The following ESCO1 variants were observed in gnomAD, a reference collection of about 807,000 sequenced individuals.
The protein encoded by ESCO1 is N-acetyltransferase ESCO1.
In ESCO1, 33 loss-of-function variants were observed where a neutral mutation model predicts 83.5. The ratio of observed to expected loss-of-function variants is 0.40; its 90% CI spans 0.30 to 0.53. The LOEUF is 0.53. ESCO1 is among the 20% of genes least tolerant of loss of function. The probability of loss-of-function intolerance (pLI) is 0.63; values close to 1 mark genes in which losing one functional copy is unlikely to be tolerated. For missense variants in ESCO1, 855 were observed against 968.0 expected, an observed-to-expected ratio of 0.88 and a Z score of 1.55; for synonymous variants, 332 against 324.3, an observed-to-expected ratio of 1.02 and a Z score of -0.25.
chr18:21,576,534 A>C (rs1348380639), intron 2 of ESCO1, among the ~76,000 whole-genome samples: 2 of 152,190 alleles, frequency 1.3e-5, no homozygotes, highest in African/African-American at 4.8e-5. Context: ...AAACCAAGAC[A>C]ATGCCATAAA....
intron 8 of ESCO1, among the ~76,000 whole-genome samples, chr18:21,550,002 C>T (rs1459189474): frequency 6.6e-6 from 1 of 151,830 alleles, no homozygotes; most frequent in Non-Finnish European, 1.5e-5. Context: ...ATCACTGTAC[C>T]TACTGTAGTA....
At chr18:21,596,011 G>T (rs11662735) in intron 1 of ESCO1, among the ~76,000 whole-genome samples, 21,867 of 151,404 alleles carry the variant, frequency 0.14, 1,847 homozygotes, top group Middle Eastern at 0.27. Context: ...TAAATAAAAA[G>T]AATAATACTT....
intron 1 of ESCO1, among the ~76,000 whole-genome samples, chr18:21,586,014 C>A (rs1314020857): frequency 3.9e-5 from 6 of 152,176 alleles, no homozygotes; most frequent in Non-Finnish European, 8.8e-5. Context: ...TAATTCATCA[C>A]CTCAAACACT....
intron 8 of ESCO1, among the ~76,000 whole-genome samples, chr18:21,551,286 C>G (rs753082201): frequency 1.3e-5 from 2 of 151,848 alleles, no homozygotes; most frequent in Admixed American, 6.6e-5. Flanking sequence ...CTGGCTAACA[C>G]AGAGAAACCC....
chr18:21,557,014 C>CGAAG (rs1318222531), intron 8 of ESCO1, among the ~76,000 whole-genome samples: 2 of 152,072 alleles, frequency 1.3e-5, no homozygotes, highest in Non-Finnish European at 2.9e-5. Flanking sequence ...ACTCTTTCTT[C>CGAAG]AAAGTTTCTC....
At chr18:21,589,109 C>T (rs1024221740) in intron 1 of ESCO1, among the ~76,000 whole-genome samples, 1 of 151,784 alleles carries the variant, frequency 6.6e-6, no homozygotes, top group Non-Finnish European at 1.5e-5. Context: ...AGGCATGGTG[C>T]GCATCTGTAA....
chr18:21,595,891 G>A (rs2038759530), intron 1 of ESCO1, among the ~76,000 whole-genome samples: 1 of 151,742 alleles, frequency 6.6e-6, no homozygotes, highest in Admixed American at 6.6e-5. Flanking sequence ...ATGAACCCAG[G>A]AGGCGGAGCT....
At chr18:21,596,560 T>C (rs989162901) in intron 1 of ESCO1, among the ~76,000 whole-genome samples, 25 of 152,042 alleles carry the variant, frequency 1.6e-4, no homozygotes, top group African/African-American at 5.6e-4. Context: ...TGGCCAGGCA[T>C]GGTGTCTCAC....
chr18:21,588,048 C>T (rs1450390853), intron 1 of ESCO1, among the ~76,000 whole-genome samples: 1 of 149,580 alleles, frequency 6.7e-6, no homozygotes, highest in Non-Finnish European at 1.5e-5. Flanking sequence ...ATGATCCTGC[C>T]TACGAACAGC....
At chr18:21,597,178 A>C (rs1358029403) in intron 1 of ESCO1, among the ~76,000 whole-genome samples, 3 of 152,202 alleles carry the variant, frequency 2.0e-5, no homozygotes, top group Non-Finnish European at 4.4e-5. Flanking sequence ...CAACTATCTG[A>C]AAAAGCTAAA....
At chr18:21,579,164 T>A (rs1021394200) in intron 2 of ESCO1, among the ~76,000 whole-genome samples, 1 of 151,656 alleles carries the variant, frequency 6.6e-6, no homozygotes, top group Non-Finnish European at 1.5e-5. Flanking sequence ...CTGGCCTTTT[T>A]TGTACTTTTA....
At chr18:21,569,847 C>T (rs2038316086) in intron 4 of ESCO1, among the ~76,000 whole-genome samples, 2 of 152,054 alleles carry the variant, frequency 1.3e-5, no homozygotes, top group Admixed American at 1.3e-4. Context: ...AAGACTCCGT[C>T]TCAAAAAAGA....
chr18:21,585,542 T>C (rs2038563299), intron 1 of ESCO1, among the ~76,000 whole-genome samples: 1 of 152,230 alleles, frequency 6.6e-6, no homozygotes, highest in African/African-American at 2.4e-5. Context: ...TTTATGATCT[T>C]ATACCAGGAC....
chr18:21,592,806 C>T (rs1487496215), intron 1 of ESCO1, among the ~76,000 whole-genome samples: 2 of 146,816 alleles, frequency 1.4e-5, no homozygotes, highest in South Asian at 2.2e-4. Context: ...GGGCGGCTGC[C>T]GGGCGGAGGG....
At chr18:21,566,086 C>T in intron 6 of ESCO1, 60 bp downstream of exon 6, 1 of 1,506,752 alleles carries the variant, frequency 6.6e-7, no homozygotes, top group Non-Finnish European at 9.1e-7. Context: ...GGAAGAATCC[C>T]CTAAACTCAA....
intron 8 of ESCO1, among the ~76,000 whole-genome samples, chr18:21,547,350 T>A (rs974471144): frequency 1.2e-4 from 2 of 16,096 alleles, no homozygotes; most frequent in Non-Finnish European, 2.8e-4. Flanking sequence ...TGCTTACAGA[T>A]TTGAAAAAAA....
At chr18:21,554,033 A>G (rs1156445528) in intron 8 of ESCO1, among the ~76,000 whole-genome samples, 6 of 152,170 alleles carry the variant, frequency 3.9e-5, no homozygotes, top group African/African-American at 1.4e-4. Context: ...GAAAATAAAC[A>G]CATGAAAAGA....
chr18:21,562,801 TA>T (rs1190556360), intron 7 of ESCO1, among the ~76,000 whole-genome samples: 1 of 152,192 alleles, frequency 6.6e-6, no homozygotes, highest in African/African-American at 2.4e-5. Flanking sequence ...ATTTAAAATG[TA>T]ACTTTAAAAT....
intron 1 of ESCO1, among the ~76,000 whole-genome samples, chr18:21,585,571 G>A (rs552757459): frequency 7.9e-5 from 12 of 152,090 alleles, no homozygotes; most frequent in Non-Finnish European, 1.8e-4. Context: ...CTTGATTACT[G>A]TAGCTTTCTA....
Sources: allele counts gnomAD v4.1 joint callset (sites outside exome capture counted in the v4.1 genomes callset), GRCh38; gene constraint gnomAD v4.1.1; transcripts MANE v1.5; gene names NCBI Gene and HGNC (gene_info 2026-07-23, HGNC 2026-07-21).